The following CCDC191 variants were observed in gnomAD, a reference collection of about 807,000 sequenced individuals.
CCDC191 encodes the protein coiled-coil domain-containing protein 191.
CCDC191 carries 99 observed loss-of-function variants against 114.0 expected under a neutral mutation model. The observed-to-expected ratio is 0.87, with a 90% CI of 0.74 to 1.03. The LOEUF (loss-of-function observed/expected upper bound fraction) is 1.03, where lower values mean the gene tolerates loss of function less well. Among genes scored for constraint, CCDC191 ranks in the 50% least tolerant of loss-of-function variants. The pLI, the probability that CCDC191 is intolerant of heterozygous loss-of-function variation, is 0.00. For synonymous variants in CCDC191, 351 were observed against 376.0 expected (o/e 0.93, Z 0.77); for missense variants, 973 against 1,087.0 (o/e 0.90, Z 1.47).
intron 1 of CCDC191, among the ~76,000 whole-genome samples, 161 bp from the exon 2 acceptor site, chr3:114,053,796 G>T (rs1337129296): frequency 1.3e-5 from 2 of 152,206 alleles, no homozygotes; most frequent in African/African-American, 4.8e-5. Context: ...AAAAGACACA[G>T]AATAGCAGTA....
chr3:113,982,857 CA>C (rs55881455), intron 13 of CCDC191, among the ~76,000 whole-genome samples: 132 of 137,188 alleles, frequency 9.6e-4, no homozygotes, highest in Admixed American at 1.3e-3. Context: ...AACAAAAAAA[CA>C]AAAAAAAAAA....
intron 13 of CCDC191, among the ~76,000 whole-genome samples, chr3:113,982,974 G>A (rs773749273): frequency 1.3e-5 from 2 of 151,782 alleles, no homozygotes; most frequent in Non-Finnish European, 2.9e-5. Flanking sequence ...CAGGAGATCC[G>A]CATCTGTACT....
intron 8 of CCDC191, among the ~76,000 whole-genome samples, chr3:114,015,399 C>T (rs2076143065): frequency 6.6e-6 from 1 of 152,110 alleles, no homozygotes; most frequent in Admixed American, 6.5e-5. Flanking sequence ...GAAGATTTTT[C>T]TAAAATTTTT....
chr3:114,042,380 T>G (rs936182204), intron 4 of CCDC191, among the ~76,000 whole-genome samples: 5 of 152,176 alleles, frequency 3.3e-5, no homozygotes, highest in African/African-American at 1.2e-4. Flanking sequence ...AGAGATGATT[T>G]AAAGTATGCG....
Position 114,046,599 on chromosome 3 carries a change from T to A in CCDC191, c.263A>T (p.Tyr88Phe). The stretch of plus-strand genomic sequence containing the variant: ...AAAATGCATTCTCTTACCTTCTGCA[T>A]AGATTTCATCATGATCCTCTATTTG... ...SEQIEDHDEI[Y>F]AEAQELVNDW... The change falls in exon 3 of 17, where the codon TAT becomes TTT. Residue 88 changes from tyrosine to phenylalanine, a missense_variant. Coordinates refer to ENST00000295878, the MANE Select transcript of CCDC191 (RefSeq NM_020817.2). 6.3e-7 allele frequency: 1 copy of A among 1,581,316 alleles called. No homozygotes were observed. The highest frequency in any genetic ancestry group is 8.7e-7 in the Non-Finnish European group (1 of 1,150,248).
At position 114,005,693 on chromosome 3, in the gene CCDC191, C is replaced by T. The variant is rs753875401; in HGVS notation, c.1683G>A (p.Gln561=). 1.9e-6 allele frequency: 3 copies of T among 1,614,148 alleles called. No homozygotes were observed. The highest frequency in any genetic ancestry group is 2.5e-6 in the Non-Finnish European group (3 of 1,180,008). The change falls in exon 10 of 17, where the codon CAG becomes CAA. Residue 561 remains glutamine (Q), a synonymous_variant. Coordinates refer to ENST00000295878, the MANE Select transcript of CCDC191 (RefSeq NM_020817.2). ...GTTTCTTCTTTTGCTTCTCAATCAG[C>T]TGTTGCTGGAAGACATGGCGGTTGT... ...HFHNRHVFQQ[Q]LIEKQKKKLQ... is the part of the protein sequence containing the mutation.
upstream of CCDC191, chr3:114,056,583 G>C: frequency 6.3e-7 from 1 of 1,593,840 alleles, no homozygotes; most frequent in South Asian, 1.1e-5. Flanking sequence ...AGCAGGCATA[G>C]GACACCGTCG....
rs2075119798 is a variant in CCDC191 at position 113,980,733 on chromosome 3, C to G, written c.2224G>C (p.Glu742Gln). Residue 742 changes from glutamate to glutamine, a missense_variant, in exon 14 of 17, where the codon GAA becomes CAA. Physicochemically the swap from Glu to Gln is conservative, Grantham distance 29. Transcript: ENST00000295878. ...RNQQLEAIAK[E>Q]HYERVLLRKK... is the part of the protein sequence containing the mutation. ...CTTAGCAAGACCCTTTCATAATGTTCTTTGGCTATTGCTTCCAGCTGCTGG... is the reference window on the plus strand; with the variant it reads ...CTTAGCAAGACCCTTTCATAATGTTGTTTGGCTATTGCTTCCAGCTGCTGG... The G allele has an allele frequency of 1.2e-6, 2 of 1,610,308 alleles. No homozygotes were observed. Among genetic ancestry groups the G allele is most frequent in the African/African-American group, 1.3e-5 (1 of 74,704 alleles).
At chr3:113,978,490 C>T in intron 15 of CCDC191, 159 bp from the exon 16 acceptor site, 1 of 706,026 alleles carries the variant, frequency 1.4e-6, no homozygotes, top group South Asian at 2.0e-5. Context: ...AAAATATCCT[C>T]TATAATGTAT....
Position 114,053,961 on chromosome 3 carries a change from C to T in CCDC191, c.91-326G>A, listed in dbSNP as rs114926566. The T allele has an allele frequency of 5.2e-3, 1,003 of 194,200 alleles. 10 individuals are homozygous for T. The highest frequency in any genetic ancestry group is 0.022 in the African/African-American group (958 of 43,044). The allele number at this position is 194,200 out of a possible 1,614,324, so 12.0% of individuals were successfully genotyped here. Reference sequence around the variant, plus strand: ...GGTTAAGAGTCAAGATATAGAAATGCTAAATATAAAGCTACTCATTAAAAA... The same window carrying T: ...GGTTAAGAGTCAAGATATAGAAATGTTAAATATAAAGCTACTCATTAAAAA... On this transcript the variant is annotated intron_variant, in intron 1 of 16. Transcript: ENST00000295878.
intron 6 of CCDC191, among the ~76,000 whole-genome samples, chr3:114,034,015 A>G (rs72956700): frequency 1.3e-5 from 2 of 152,234 alleles, no homozygotes; most frequent in Non-Finnish European, 2.9e-5. Context: ...TTCCTGCATC[A>G]GTGCTGTTTC....
At chr3:114,038,615 C>T (rs1332742653) in intron 4 of CCDC191, among the ~76,000 whole-genome samples, 1 of 152,122 alleles carries the variant, frequency 6.6e-6, no homozygotes, top group Non-Finnish European at 1.5e-5. Flanking sequence ...AGAATGATTT[C>T]TATTCCTTTG....
rs944568702 is a variant in CCDC191, at chr3:113,969,725, G to A, written c.2607-4366C>T. On this transcript the variant is annotated intron_variant, in intron 16 of 16. Transcript: ENST00000295878. ...GGTCTATATGCCTGTTTTTATGCCA[G>A]TACCAAGCTGTTTTGGTTACTATAG... Among the ~76,000 whole-genome samples the A allele has an allele frequency of 7.5e-4, 114 of 152,130 alleles. 1 individual carries two copies. The highest frequency in any genetic ancestry group is 2.6e-3 in the African/African-American group (109 of 41,438).
intron 13 of CCDC191, among the ~76,000 whole-genome samples, chr3:113,991,075 A>C (rs1340320645): frequency 6.6e-5 from 10 of 151,988 alleles, no homozygotes; most frequent in Non-Finnish European, 2.9e-5. Context: ...GTCTTTACTA[A>C]AAATACAAAA....
chr3:114,039,469 C>T (rs534534495), intron 4 of CCDC191: 7 of 152,182 alleles, frequency 4.6e-5, no homozygotes, highest in Non-Finnish European at 8.8e-5. Flanking sequence ...ATGATCACCA[C>T]TGCACAACAG....
At chr3:113,965,806 G>A (rs1940091895) in intron 16 of CCDC191, among the ~76,000 whole-genome samples, 1 of 152,006 alleles carries the variant, frequency 6.6e-6, no homozygotes. Flanking sequence ...TGTTGGCCAG[G>A]CTGGTCTTGA....
In CCDC191 at chr3:113,965,099, A is replaced by G. The variant is rs549713096; in HGVS notation, c.*56T>C. 2 of 1,062,764 alleles carry G rather than the reference A, an allele frequency of 1.9e-6. No individual in the cohort carries two copies. The highest frequency in any genetic ancestry group is 3.5e-5 in the South Asian group (2 of 57,266). 65.8% of individuals were successfully genotyped at this position (1,062,764 alleles called of 1,614,324 possible). On this transcript the variant is annotated 3_prime_UTR_variant, in exon 17 of 17. Coordinates refer to ENST00000295878, the MANE Select transcript of CCDC191 (RefSeq NM_020817.2). ...TATGTATGTGTGTGGGTGGGTGGAG[A>G]TAACACACATACAGACTAGTCGAGC...
At chr3:114,016,329 G>A (rs2076157528) in intron 8 of CCDC191, among the ~76,000 whole-genome samples, 2 of 152,166 alleles carry the variant, frequency 1.3e-5, no homozygotes, top group Non-Finnish European at 2.9e-5. Flanking sequence ...AGGAGAGGAA[G>A]CAACTGAGTT....
At chr3:114,056,534 G>A (rs765828818), upstream of CCDC191, 12 of 1,610,702 alleles carry the variant, frequency 7.5e-6, no homozygotes, top group Middle Eastern at 1.6e-4. Context: ...GCTGCCTCCG[G>A]GTCACGCTGG....
Sources: allele counts gnomAD v4.1 joint callset (sites outside exome capture counted in the v4.1 genomes callset), GRCh38; gene constraint gnomAD v4.1.1; transcripts MANE v1.5; gene names NCBI Gene and HGNC (gene_info 2026-07-23, HGNC 2026-07-21).